The following SCAPER variants were observed in gnomAD, a reference collection of about 807,000 sequenced individuals.
SCAPER encodes S-phase cyclin A associated protein in the ER.
In SCAPER, 98 loss-of-function variants were observed where a neutral mutation model predicts 182.2. That is an observed-to-expected ratio of 0.54 (90% CI 0.46 to 0.64). The LOEUF (loss-of-function observed/expected upper bound fraction) is 0.64. SCAPER is among the 30% of genes least tolerant of loss of function. The probability of loss-of-function intolerance (pLI) is 0.00; values close to 1 mark genes in which losing one functional copy is unlikely to be tolerated. For synonymous variants in SCAPER, 605 were observed against 564.6 expected (o/e 1.07, Z -1.01); for missense variants, 1,432 against 1,690.0 (o/e 0.85, Z 2.68).
intron 1 of SCAPER, among the ~76,000 whole-genome samples, chr15:76,899,227 T>C (rs568017396): frequency 3.1e-4 from 47 of 152,326 alleles, no homozygotes; most frequent in South Asian, 1.0e-3. Flanking sequence ...TGTACTGCCA[T>C]GATCTCAGCT....
At chr15:76,840,974 A>G (rs1368527547) in intron 5 of SCAPER, among the ~76,000 whole-genome samples, 2 of 152,234 alleles carry the variant, frequency 1.3e-5, no homozygotes, top group Admixed American at 6.5e-5. Flanking sequence ...AGTGAATTAG[A>G]AGAGTGATAA....
chr15:76,588,057 G>A (rs1253423605), intron 22 of SCAPER, among the ~76,000 whole-genome samples: 1 of 152,018 alleles, frequency 6.6e-6, no homozygotes, highest in Admixed American at 6.6e-5. Context: ...GAGTAGCTGG[G>A]ACTACAAGCG....
chr15:76,638,689 A>G (rs2053847683), intron 21 of SCAPER, among the ~76,000 whole-genome samples: 2 of 152,208 alleles, frequency 1.3e-5, no homozygotes, highest in Admixed American at 1.3e-4. Flanking sequence ...CTTATGTTCC[A>G]ATAAATACAA....
At chr15:76,714,681 A>G (rs2059791678) in intron 17 of SCAPER, among the ~76,000 whole-genome samples, 2 of 152,142 alleles carry the variant, frequency 1.3e-5, no homozygotes, top group Admixed American at 1.3e-4. Context: ...CAAGATGTAC[A>G]CTTAGATTTG....
intron 22 of SCAPER, among the ~76,000 whole-genome samples, chr15:76,584,879 A>C (rs79657425): frequency 0.011 from 1,661 of 152,226 alleles, 55 homozygotes; most frequent in East Asian, 0.081. Flanking sequence ...AGTTCTATTC[A>C]CAAAAGACTA....
intron 27 of SCAPER, among the ~76,000 whole-genome samples, chr15:76,388,964 A>G (rs1419485237): frequency 1.7e-4 from 26 of 151,766 alleles, no homozygotes; most frequent in Non-Finnish European, 1.5e-5. Flanking sequence ...CATCTCAAAA[A>G]AAAAAAATTA....
intron 26 of SCAPER, among the ~76,000 whole-genome samples, chr15:76,426,257 C>T (rs1476867963): frequency 6.6e-6 from 1 of 152,202 alleles, no homozygotes; most frequent in Non-Finnish European, 1.5e-5. Flanking sequence ...GTGGTAGGCT[C>T]CACCCAGTTC....
chr15:76,383,349 A>G (rs2043094957), intron 27 of SCAPER, among the ~76,000 whole-genome samples: 1 of 152,198 alleles, frequency 6.6e-6, no homozygotes. Context: ...GTTTTTCCAA[A>G]GAAATCATTT....
Position 76,665,693 on chromosome 15 carries a change from T to TA in SCAPER, c.2604dup (p.Lys869Ter). On this transcript the variant is annotated frameshift_variant, in exon 21 of 32. Transcript: ENST00000563290. LOFTEE classifies it high-confidence loss of function. ...GCTTTTATCTTTTTGGCTTTTTTTTTATTTTTTTGCCGCTCTTCTCCATCT... is the reference window on the plus strand; with the variant it reads ...GCTTTTATCTTTTTGGCTTTTTTTTTAATTTTTTTGCCGCTCTTCTCCATCT... 1 of 1,585,156 alleles carries TA rather than the reference T, an allele frequency of 6.3e-7. No homozygotes were observed. Among genetic ancestry groups the TA allele is most frequent in the Non-Finnish European group, 8.6e-7 (1 of 1,166,202 alleles).
At chr15:76,546,082 C>T (rs2045259272) in intron 23 of SCAPER, among the ~76,000 whole-genome samples, 1 of 152,064 alleles carries the variant, frequency 6.6e-6, no homozygotes, top group African/African-American at 2.4e-5. Flanking sequence ...TAGGACTAAA[C>T]TAGGCCTAGA....
intron 29 of SCAPER, among the ~76,000 whole-genome samples, chr15:76,372,536 C>G (rs1054007170): frequency 6.6e-6 from 1 of 152,130 alleles, no homozygotes; most frequent in African/African-American, 2.4e-5. Context: ...GCAGAAAAAC[C>G]GTCTGAAATC....
intron 22 of SCAPER, among the ~76,000 whole-genome samples, chr15:76,607,440 G>A (rs571435509): frequency 7.4e-4 from 112 of 152,280 alleles, no homozygotes; most frequent in African/African-American, 2.6e-3. Context: ...GTCTCTGGCT[G>A]CTCTTAACAT....
chr15:76,875,376 C>T (rs1020125018), intron 2 of SCAPER, among the ~76,000 whole-genome samples: 1 of 152,306 alleles, frequency 6.6e-6, no homozygotes, highest in Admixed American at 6.5e-5. Context: ...CGTGGTGGCT[C>T]ATGCCTGTAA....
At chr15:76,551,764 T>C (rs977607369) in intron 23 of SCAPER, among the ~76,000 whole-genome samples, 10 of 152,164 alleles carry the variant, frequency 6.6e-5, no homozygotes, top group African/African-American at 1.7e-4. Context: ...ACTGATTTCA[T>C]CAGTACACAA....
chr15:76,655,818 G>A (rs994638090), intron 21 of SCAPER, among the ~76,000 whole-genome samples: 4 of 152,098 alleles, frequency 2.6e-5, no homozygotes, highest in African/African-American at 7.2e-5. Flanking sequence ...AGCTTCATAA[G>A]GGAAGGAGAA....
chr15:76,404,008 G>T (rs1400044900), intron 27 of SCAPER, among the ~76,000 whole-genome samples: 1 of 152,134 alleles, frequency 6.6e-6, no homozygotes, highest in East Asian at 1.9e-4. Flanking sequence ...TATGCCCATG[G>T]GTCACGTGTG....
chr15:76,527,007 G>A (rs2043256217), intron 23 of SCAPER, among the ~76,000 whole-genome samples: 3 of 151,932 alleles, frequency 2.0e-5, no homozygotes, highest in Admixed American at 2.0e-4. Flanking sequence ...AAGTAGCTCG[G>A]ATTACAGATG....
At chr15:76,447,713 A>G (rs1005545091) in intron 25 of SCAPER, among the ~76,000 whole-genome samples, 1 of 152,208 alleles carries the variant, frequency 6.6e-6, no homozygotes, top group African/African-American at 2.4e-5. Context: ...TCTGAACTAC[A>G]AAACACATTA....
At chr15:76,402,242 TGGGG>T (rs2044514164) in intron 27 of SCAPER, among the ~76,000 whole-genome samples, 1 of 152,164 alleles carries the variant, frequency 6.6e-6, no homozygotes, top group African/African-American at 2.4e-5. Context: ...ATTAGGGAAG[TGGGG>T]GTATTATCTA....
Sources: gnomAD v4.1 joint callset for allele counts (sites outside exome capture counted in the v4.1 genomes callset) on GRCh38, gnomAD v4.1.1 for gene constraint, MANE v1.5 for transcripts, NCBI Gene and HGNC (gene_info 2026-07-23, HGNC 2026-07-21) for gene names.